NKAIN3: variants seen among roughly 807,000 people sequenced by gnomAD.
NKAIN3 encodes sodium/potassium-transporting ATPase subunit beta-1-interacting protein 3.
NKAIN3 carries 25 observed loss-of-function variants against 30.2 expected under a neutral mutation model. The observed-to-expected ratio is 0.83, with a 90% confidence interval of 0.60 to 1.16. NKAIN3 has a LOEUF of 1.16. Among genes scored for constraint, NKAIN3 ranks in the 50% most tolerant of loss-of-function variants. NKAIN3 has a pLI of 0.00. For missense variants in NKAIN3, 225 were observed against 254.1 expected (o/e 0.89, Z 0.78); for synonymous variants, 91 against 89.6 (o/e 1.02, Z -0.09).
intron 3 of NKAIN3, among the ~76,000 whole-genome samples, chr8:62,693,494 G>A (rs17177988): frequency 3.3e-5 from 5 of 152,134 alleles, no homozygotes; most frequent in Non-Finnish European, 7.3e-5. Flanking sequence ...TAGCCCATCT[G>A]CATCTTGGCA....
chr8:62,797,610 A>G (rs1380890524), intron 4 of NKAIN3, among the ~76,000 whole-genome samples: 3 of 152,154 alleles, frequency 2.0e-5, no homozygotes, highest in African/African-American at 4.8e-5. Flanking sequence ...TTCAATAAAT[A>G]TTAGTGGAAA....
At chr8:62,612,130 T>C (rs1811312853) in intron 3 of NKAIN3, among the ~76,000 whole-genome samples, 1 of 152,104 alleles carries the variant, frequency 6.6e-6, no homozygotes, top group African/African-American at 2.4e-5. Flanking sequence ...TATTTTTTGA[T>C]CAGATTATTA....
At chr8:62,281,901 C>G (rs1218917190) in intron 1 of NKAIN3, among the ~76,000 whole-genome samples, 4 of 151,952 alleles carry the variant, frequency 2.6e-5, no homozygotes, top group Non-Finnish European at 5.9e-5. Context: ...ACAGGAAGGA[C>G]AAAAACAATT....
chr8:62,281,337 A>C (rs1416795208), intron 1 of NKAIN3, among the ~76,000 whole-genome samples: 2 of 152,034 alleles, frequency 1.3e-5, no homozygotes, highest in Non-Finnish European at 2.9e-5. Flanking sequence ...TCCTGGATTC[A>C]TGGATTTTTT....
chr8:62,870,245 GATATCTATATAT>G (rs1358039415), intron 4 of NKAIN3, among the ~76,000 whole-genome samples: 147 of 104,270 alleles, frequency 1.4e-3, no homozygotes, highest in Middle Eastern at 5.7e-3. Flanking sequence ...GATATCTATA[GATATCTATATAT>G]ATATCTATAT....
At chr8:62,359,288 C>A (rs139283189) in intron 1 of NKAIN3, among the ~76,000 whole-genome samples, 89 of 152,278 alleles carry the variant, frequency 5.8e-4, no homozygotes, top group African/African-American at 2.1e-3. Context: ...CCAATAAATA[C>A]CATCCTTTTT....
intron 4 of NKAIN3, among the ~76,000 whole-genome samples, chr8:62,814,316 C>CT (rs142964421): frequency 0.21 from 31,719 of 150,056 alleles, 3,999 homozygotes; most frequent in African/African-American, 0.35. Context: ...GTCTCATAGG[C>CT]TTTTTTTTTC....
intron 4 of NKAIN3, among the ~76,000 whole-genome samples, chr8:62,896,674 G>A (rs932119507): frequency 6.6e-6 from 1 of 152,144 alleles, no homozygotes; most frequent in African/African-American, 2.4e-5. Context: ...CTGCTTCTAG[G>A]TGCTGGGGCC....
chr8:62,311,825 T>G (rs1193775171), intron 1 of NKAIN3, among the ~76,000 whole-genome samples: 1 of 150,268 alleles, frequency 6.7e-6, no homozygotes, highest in Non-Finnish European at 1.5e-5. Context: ...TGAGCTCCCT[T>G]TCCCACATCT....
chr8:62,800,837 G>A (rs1452804875), intron 4 of NKAIN3, among the ~76,000 whole-genome samples: 2 of 152,090 alleles, frequency 1.3e-5, no homozygotes, highest in East Asian at 3.9e-4. Context: ...GGAAGTGCAA[G>A]GGGTCAGGGA....
chr8:62,451,862 T>C (rs966398258), intron 1 of NKAIN3, among the ~76,000 whole-genome samples: 3 of 152,218 alleles, frequency 2.0e-5, no homozygotes, highest in African/African-American at 7.2e-5. Context: ...GGCCAAAATA[T>C]GTCTGAGATC....
At chr8:62,866,525 G>A (rs1004701337) in intron 4 of NKAIN3, among the ~76,000 whole-genome samples, 15 of 152,134 alleles carry the variant, frequency 9.9e-5, no homozygotes, top group Non-Finnish European at 2.2e-4. Flanking sequence ...ACAAACCACA[G>A]GTGGCAATAC....
chr8:62,638,166 G>A (rs754585664), intron 3 of NKAIN3, among the ~76,000 whole-genome samples: 16 of 152,158 alleles, frequency 1.1e-4, no homozygotes, highest in Non-Finnish European at 2.2e-4. Flanking sequence ...ATTGGCTCAT[G>A]CTAATAAGGT....
intron 1 of NKAIN3, among the ~76,000 whole-genome samples, chr8:62,571,016 A>G (rs933202263): frequency 7.2e-5 from 11 of 152,236 alleles, no homozygotes; most frequent in African/African-American, 2.7e-4. Context: ...TAAATATTTC[A>G]TAAACATGAA....
intron 4 of NKAIN3, among the ~76,000 whole-genome samples, chr8:62,809,917 C>G (rs1306729841): frequency 6.6e-6 from 1 of 152,118 alleles, no homozygotes; most frequent in Non-Finnish European, 1.5e-5. Context: ...TTAATCCCCT[C>G]ACTTATTTTT....
At chr8:62,953,802 GA>G (rs1823348035) in intron 5 of NKAIN3, 99 bp from the exon 6 acceptor site, 1 of 207,540 alleles carries the variant, frequency 4.8e-6, no homozygotes, top group African/African-American at 2.4e-5. Context: ...ATGGTGAACG[GA>G]TATTTTTGTT....
chr8:62,836,342 TA>T (rs908922341), intron 4 of NKAIN3, among the ~76,000 whole-genome samples: 70 of 152,100 alleles, frequency 4.6e-4, no homozygotes, highest in Admixed American at 5.3e-4. Flanking sequence ...AAATTATTTT[TA>T]AAAAAATTTC....
intron 1 of NKAIN3, among the ~76,000 whole-genome samples, chr8:62,301,536 G>C (rs1210311599): frequency 6.6e-6 from 1 of 152,028 alleles, no homozygotes; most frequent in Non-Finnish European, 1.5e-5. Context: ...CCAGTGATTG[G>C]CTTAAGAGTA....
At chr8:62,691,530 A>G (rs893934535) in intron 3 of NKAIN3, among the ~76,000 whole-genome samples, 2 of 152,170 alleles carry the variant, frequency 1.3e-5, no homozygotes, top group Admixed American at 6.5e-5. Flanking sequence ...CATAACTACA[A>G]TGTTGTTGCT....
Sources: allele counts gnomAD v4.1 joint callset (sites outside exome capture counted in the v4.1 genomes callset), GRCh38; gene constraint gnomAD v4.1.1; transcripts MANE v1.5; gene names NCBI Gene and HGNC (gene_info 2026-07-23, HGNC 2026-07-21).